ERICH1: variants seen among roughly 807,000 people sequenced by gnomAD.
ERICH1 encodes the protein glutamate rich 1.
Under a neutral mutation model 39.6 loss-of-function variants are expected in ERICH1, and 56 were observed. The ratio of observed to expected loss-of-function variants is 1.41; its 90% CI spans 1.14 to 1.77. The LOEUF (loss-of-function observed/expected upper bound fraction) is 1.77, where lower values mean the gene tolerates loss of function less well. Among genes scored for constraint, ERICH1 ranks in the 40% most tolerant of loss-of-function variants. The pLI is 0.00. For missense variants in ERICH1, 826 were observed against 575.4 expected, an observed-to-expected ratio of 1.44 and a Z score of -4.45; for synonymous variants, 313 against 223.6, an observed-to-expected ratio of 1.40 and a Z score of -3.57.
intron 3 of ERICH1, among the ~76,000 whole-genome samples, chr8:688,296 T>A (rs192798099): frequency 6.3e-5 from 1 of 15,830 alleles, no homozygotes; most frequent in Admixed American, 3.5e-4. Context: ...GCCCCGGCCC[T>A]TCCGCCGCCC....
chr8:650,553 G>A (rs1261282785), intron 3 of ERICH1, among the ~76,000 whole-genome samples: 2 of 152,168 alleles, frequency 1.3e-5, no homozygotes, highest in Non-Finnish European at 2.9e-5. Flanking sequence ...TACCCCCGAG[G>A]CCGGCCCCAG....
At chr8:684,794 CCT>C (rs572130074) in intron 3 of ERICH1, among the ~76,000 whole-genome samples, 63 of 152,268 alleles carry the variant, frequency 4.1e-4, no homozygotes, top group African/African-American at 1.3e-3. Context: ...CGTGATGCCC[CCT>C]GAGCCCCAAA....
Position 668,759 on chromosome 8 carries a change from G to T in ERICH1, c.1097C>A (p.Ala366Glu). The change falls in exon 5 of 6, where the codon GCA becomes GAA. Residue 366 changes from alanine (A) to glutamate (E), a missense_variant. Coordinates refer to ENST00000262109, the MANE Select transcript of ERICH1 (RefSeq NM_207332.3). ...GTCCAGCAGCTCCTCAGCGGCATCTGCGAGGGCAGCTGAAGCTGCATCTCT... is the reference window on the plus strand; with the variant it reads ...GTCCAGCAGCTCCTCAGCGGCATCTTCGAGGGCAGCTGAAGCTGCATCTCT... ...VSRDAASAAL[A>E]DAAEELLDRL... is the part of the protein sequence containing the mutation. 1 of 1,611,952 alleles carries T rather than the reference G, an allele frequency of 6.2e-7. No homozygotes were observed. Among genetic ancestry groups the T allele is most frequent in the Non-Finnish European group, 8.5e-7 (1 of 1,178,648 alleles).
intron 4 of ERICH1, chr8:671,687 T>G (rs1213307412): frequency 6.3e-6 from 1 of 159,016 alleles, no homozygotes; most frequent in Non-Finnish European, 1.3e-5. Flanking sequence ...CTGTGCTCAC[T>G]GGGCTCCAGG....
intron 2 of ERICH1, among the ~76,000 whole-genome samples, chr8:704,000 C>T (rs1475573897): frequency 6.6e-6 from 1 of 152,130 alleles, no homozygotes; most frequent in Non-Finnish European, 1.5e-5. Context: ...CTCAAACTGT[C>T]CTAAGGGAGG....
chr8:700,653 C>G (rs971576469), intron 2 of ERICH1, among the ~76,000 whole-genome samples: 3 of 152,232 alleles, frequency 2.0e-5, no homozygotes, highest in East Asian at 3.9e-4. Context: ...CTTATCACAG[C>G]TGTTTTATGT....
At chr8:627,053 A>T (rs771847993) in intron 3 of ERICH1, 5 of 450,326 alleles carry the variant, frequency 1.1e-5, no homozygotes, top group Non-Finnish European at 2.2e-5. Context: ...TCGGAGGGCC[A>T]GGCTTCCGTG....
At chr8:694,789 G>T (rs535681957) in intron 2 of ERICH1, among the ~76,000 whole-genome samples, 2 of 152,304 alleles carry the variant, frequency 1.3e-5, no homozygotes, top group South Asian at 4.1e-4. Flanking sequence ...CAAGTTGAAC[G>T]TTACATGTCT....
intron 3 of ERICH1, among the ~76,000 whole-genome samples, chr8:676,336 GGCGAGGACAGAGACGCGGCGGCCCC>G (rs1804749397): frequency 4.8e-5 from 1 of 21,018 alleles, no homozygotes; most frequent in African/African-American, 1.9e-4. Flanking sequence ...GCGGCCCCTC[GGCGAGGACAGAGACGCGGCGGCCCC>G]TCGTGAGGAC....
intron 3 of ERICH1, chr8:615,481 C>T (rs372172229): frequency 3.6e-5 from 17 of 467,042 alleles, no homozygotes; most frequent in South Asian, 1.3e-4. Flanking sequence ...GTCATCTCTA[C>T]GAGGCCTGGG....
intron 3 of ERICH1, among the ~76,000 whole-genome samples, chr8:622,276 C>G (rs944359885): frequency 1.3e-5 from 2 of 151,986 alleles, no homozygotes; most frequent in Non-Finnish European, 2.9e-5. Context: ...TGTTTGTATC[C>G]ACCCCCCATT....
At chr8:701,733 A>G (rs1168231586) in intron 2 of ERICH1, among the ~76,000 whole-genome samples, 1 of 152,256 alleles carries the variant, frequency 6.6e-6, no homozygotes, top group African/African-American at 2.4e-5. Context: ...CACAAAAACT[A>G]TGAAATTAAA....
intron 5 of ERICH1, chr8:668,016 T>G (rs1473631363): frequency 1.2e-5 from 2 of 171,078 alleles, no homozygotes; most frequent in Non-Finnish European, 2.5e-5. Flanking sequence ...CTGCACTCAG[T>G]GGTGTGCAGG....
intron 3 of ERICH1, among the ~76,000 whole-genome samples, chr8:652,655 G>C (rs959103109): frequency 6.6e-6 from 1 of 152,200 alleles, no homozygotes; most frequent in Non-Finnish European, 1.5e-5. Context: ...AGCTTACAGG[G>C]TGTCTTCATT....
intron 1 of ERICH1, among the ~76,000 whole-genome samples, chr8:728,365 G>A (rs752349661): frequency 3.3e-5 from 5 of 152,174 alleles, no homozygotes; most frequent in Non-Finnish European, 7.4e-5. Flanking sequence ...AGGCAGCAAG[G>A]CTCAACCTGG....
chr8:682,075 A>T (rs62487393), intron 3 of ERICH1, among the ~76,000 whole-genome samples: 151,923 of 151,926 alleles, frequency 1, 75,960 homozygotes, highest in Non-Finnish European at 1. Context: ...CTTTTCCATG[A>T]TGAGTAGGTC....
chr8:678,245 T>C (rs1242825687), intron 3 of ERICH1, among the ~76,000 whole-genome samples: 1 of 152,142 alleles, frequency 6.6e-6, no homozygotes, highest in Admixed American at 6.5e-5. Context: ...TTCCTCCCAA[T>C]TTCTCTGATT....
intron 2 of ERICH1, among the ~76,000 whole-genome samples, chr8:710,791 C>CA (rs1400642363): frequency 6.6e-6 from 1 of 152,220 alleles, no homozygotes; most frequent in Non-Finnish European, 1.5e-5. Flanking sequence ...AGGACATCTT[C>CA]GTTGCTTCCA....
intron 2 of ERICH1, among the ~76,000 whole-genome samples, chr8:711,646 C>T (rs1200501381): frequency 2.6e-5 from 4 of 152,058 alleles, no homozygotes; most frequent in Non-Finnish European, 4.4e-5. Flanking sequence ...TACAGGCGCC[C>T]GCCACCATGC....
Sources: gnomAD v4.1 joint callset for allele counts (sites outside exome capture counted in the v4.1 genomes callset) on GRCh38, gnomAD v4.1.1 for gene constraint, MANE v1.5 for transcripts, NCBI Gene and HGNC (gene_info 2026-07-23, HGNC 2026-07-21) for gene names.